VPS33B: variants seen among roughly 807,000 people sequenced by gnomAD.
VPS33B encodes vacuolar protein sorting-associated protein 33B.
A neutral mutation model predicts 95.3 loss-of-function variants in VPS33B; 80 were observed. The observed-to-expected ratio is 0.84, with a 90% CI of 0.70 to 1.01. The LOEUF (loss-of-function observed/expected upper bound fraction) is 1.01. VPS33B is among the 50% of genes least tolerant of loss of function. The probability of loss-of-function intolerance (pLI) is 0.00; values close to 1 mark genes in which losing one functional copy is unlikely to be tolerated. For synonymous variants in VPS33B, 280 were observed against 280.4 expected (o/e 1.00, Z 0.01); for missense variants, 715 against 773.4 (o/e 0.92, Z 0.90).
rs1313275737 is a variant in VPS33B at position 91,006,476 on chromosome 15, C to T, written c.779-31G>A. ...AGAGCAGAGGGACAGCTATTAGGATCTCCAATGAGGACTTCTCCTACCATT... is the reference window on the plus strand; with the variant it reads ...AGAGCAGAGGGACAGCTATTAGGATTTCCAATGAGGACTTCTCCTACCATT... On this transcript the variant is annotated intron_variant, in intron 10 of 22. Coordinates refer to ENST00000333371, the MANE Select transcript of VPS33B (RefSeq NM_018668.5). This position sits in a 1 kb window ranked among gnomAD's most constrained non-coding sequence, Gnocchi z 5.4. The T allele has an allele frequency of 6.2e-7, 1 of 1,614,060 alleles. No individual in the cohort carries two copies. Among genetic ancestry groups the T allele is most frequent in the Non-Finnish European group, 8.5e-7 (1 of 1,179,936 alleles).
chr15:90,998,661 A>G, downstream of VPS33B: 2 of 419,270 alleles, frequency 4.8e-6, no homozygotes, highest in Non-Finnish European at 9.0e-6. This position sits in a 1 kb window ranked among gnomAD's most constrained non-coding sequence, Gnocchi z 4.8. Flanking sequence ...CGTGTCCAGA[A>G]CGACCAACGT....
In VPS33B at chr15:90,999,766, C is replaced by A. The variant is rs566630364; in HGVS notation, c.1685G>T (p.Ser562Ile). 2 of 1,614,222 alleles carry A rather than the reference C, an allele frequency of 1.2e-6. No individual in the cohort carries two copies. Among genetic ancestry groups the A allele is most frequent in the Admixed American group, 1.7e-5 (1 of 60,018 alleles). The change falls in exon 22 of 23, where the codon AGT becomes ATT. Residue 562 changes from serine (S) to isoleucine (I), a missense_variant. Physicochemically the swap from Ser to Ile is moderately radical, Grantham distance 142. Transcript: ENST00000333371. This position sits in a 1 kb window ranked among gnomAD's most constrained non-coding sequence, Gnocchi z 5.1. ...TDMTKEDKAS[S>I]ESLRLILVVF... ...CACCAAGATGAGGCGCAGGGACTCA[C>A]TGGAAGCCTTGTCTTCCTTAGTCAT...
chr15:91,000,099 G>T lies in VPS33B; in HGVS notation c.1582-124C>A. ...TCAAGTAGCAAAAAGTTGAGACAGG[G>T]CCAGGTGTGGTGGCTCACGCCTGTA... is the stretch of plus-strand genomic sequence containing the variant. On this transcript the variant is annotated intron_variant, in intron 20 of 22. Transcript: ENST00000333371. This position sits in a 1 kb window ranked among gnomAD's most constrained non-coding sequence, Gnocchi z 4.9. 1 of 1,228,548 alleles carries T rather than the reference G, an allele frequency of 8.1e-7. No homozygotes were observed. The highest frequency in any genetic ancestry group is 1.2e-6 in the Non-Finnish European group (1 of 854,000). The allele number at this position is 1,228,548 out of a possible 1,614,324, so 76.1% of individuals were successfully genotyped here. A position where few individuals can be genotyped will look rare whatever the true frequency, so the allele number is the denominator to read the frequency against.
rs906401745 is a variant in VPS33B at position 91,000,150 on chromosome 15, C to T, written c.1582-175G>A. Among the ~76,000 whole-genome samples the T allele has an allele frequency of 6.6e-5, 10 of 152,114 alleles. No individual in the cohort carries two copies. Among genetic ancestry groups the T allele is most frequent in the Admixed American group, 4.6e-4 (7 of 15,274 alleles). ...ATTCCAACACTTTAGGAGTTTGAGG[C>T]GGGGGGATCACCTGAGGTCAGGAGT... is the stretch of plus-strand genomic sequence containing the variant. On this transcript the variant is annotated intron_variant, in intron 20 of 22. Transcript: ENST00000333371. The surrounding 1 kb of genome is among the most constrained non-coding windows in gnomAD (Gnocchi z 4.9).
In VPS33B at chr15:91,001,614, AC is replaced by A. The variant is rs2040440638; in HGVS notation, c.1406-153del. On this transcript the variant is annotated intron_variant, in intron 18 of 22. Coordinates refer to ENST00000333371, the MANE Select transcript of VPS33B (RefSeq NM_018668.5). The stretch of plus-strand genomic sequence containing the variant: ...AATTCCCTGGAACTAATCAAGATAT[AC>A]TCCCCACCCTTCTCCCCACCCACAG... The A allele has an allele frequency of 1.9e-5, 14 of 721,526 alleles. No homozygotes were observed. In the Admixed American group the frequency reaches 2.8e-4, roughly 15 times the overall value. The allele number at this position is 721,526 out of a possible 1,614,324, so 44.7% of individuals were successfully genotyped here.
intron 16 of VPS33B, among the ~76,000 whole-genome samples, chr15:91,003,729 C>G (rs755777555): frequency 8.5e-5 from 13 of 152,132 alleles, no homozygotes; most frequent in Non-Finnish European, 1.9e-4. Context: ...TGAGCCACCG[C>G]ACCTGGCAGA....
chr15:91,022,099 G>A, intron 1 of VPS33B, 55 bp downstream of exon 1: 1 of 1,531,720 alleles, frequency 6.5e-7, no homozygotes, highest in Middle Eastern at 1.7e-4. Context: ...GAAGAAATGT[G>A]CATCCAATGA....
chr15:91,020,148 G>A (rs189322510), intron 1 of VPS33B, among the ~76,000 whole-genome samples: 1 of 152,260 alleles, frequency 6.6e-6, no homozygotes, highest in African/African-American at 2.4e-5. Context: ...AGTGTTAGTA[G>A]TGTTTATAAC....
intron 1 of VPS33B, among the ~76,000 whole-genome samples, chr15:91,020,333 G>A (rs2041067352): frequency 6.6e-6 from 1 of 152,202 alleles, no homozygotes; most frequent in Admixed American, 6.5e-5. Context: ...GAGAGGCAAA[G>A]ATGATTCTGA....
In VPS33B at chr15:91,015,026, C is replaced by T. The variant is rs1353279316; in HGVS notation, c.240-593G>A. Among the ~76,000 whole-genome samples the T allele has an allele frequency of 6.6e-6, 1 of 151,382 alleles. No homozygotes were observed. Among genetic ancestry groups the T allele is most frequent in the Non-Finnish European group, 1.5e-5 (1 of 67,894 alleles). ...GACCAGCCCAGCCAACATGGTGAAA[C>T]CCCGTCTCTACTAAAAATACAAACA... On this transcript the variant is annotated intron_variant, in intron 3 of 22. Coordinates refer to ENST00000333371, the MANE Select transcript of VPS33B (RefSeq NM_018668.5). This position sits in a 1 kb window ranked among gnomAD's most constrained non-coding sequence, Gnocchi z 4.7.
At chr15:91,022,090 A>G in intron 1 of VPS33B, 64 bp downstream of exon 1, 2 of 1,526,516 alleles carry the variant, frequency 1.3e-6, no homozygotes, top group Non-Finnish European at 1.8e-6. Flanking sequence ...CACGGCAAGG[A>G]AGAAATGTGC....
rs1429476414 is a variant in VPS33B at position 91,018,902 on chromosome 15, G to A, written c.97-1017C>T. Among the ~76,000 whole-genome samples, 2 of 151,784 alleles carry A rather than the reference G, an allele frequency of 1.3e-5. No individual in the cohort carries two copies. The highest frequency in any genetic ancestry group is 6.6e-5 in the Admixed American group (1 of 15,222). On this transcript the variant is annotated intron_variant, in intron 1 of 22. Coordinates refer to ENST00000333371, the MANE Select transcript of VPS33B (RefSeq NM_018668.5). This position sits in a 1 kb window ranked among gnomAD's most constrained non-coding sequence, Gnocchi z 4.7. ...GTGATCTCGGCTCACTGCAACCTCC[G>A]CCTCCCGGATTCAAGCAATTCTCTG...
chr15:91,007,787 G>T lies in VPS33B; in HGVS notation c.498+83C>A. The T allele has an allele frequency of 7.4e-7, 1 of 1,356,334 alleles. No homozygotes were observed. The highest frequency in any genetic ancestry group is 1.1e-6 in the Non-Finnish European group (1 of 947,394). 84.0% of individuals were successfully genotyped at this position (1,356,334 alleles called of 1,614,324 possible). The stretch of plus-strand genomic sequence containing the variant: ...TGATAAATTACTTGCGTTGGACAAA[G>T]GTTATATTGGTATTTCTAGCCCTCT... On this transcript the variant is annotated intron_variant, in intron 7 of 22. Coordinates refer to ENST00000333371, the MANE Select transcript of VPS33B (RefSeq NM_018668.5). This position sits in a 1 kb window ranked among gnomAD's most constrained non-coding sequence, Gnocchi z 5.3.
At position 91,022,386 on chromosome 15, in the gene VPS33B, T is replaced by C. The variant is rs886051557; in HGVS notation, c.-137A>G. ...CCAGAGACCCCAGATGGGCCCTCGC[T>C]CCTCAGCAGCACTCCAGGAATGAAT... On this transcript the variant is annotated 5_prime_UTR_variant, in exon 1 of 23. Coordinates refer to ENST00000333371, the MANE Select transcript of VPS33B (RefSeq NM_018668.5). 1.0e-4 allele frequency: 77 copies of C among 771,430 alleles called. No homozygotes were observed. The highest frequency in any genetic ancestry group is 1.8e-4 in the Admixed American group (6 of 34,184). The allele number at this position is 771,430 out of a possible 1,614,324, so 47.8% of individuals were successfully genotyped here. A position where few individuals can be genotyped will look rare whatever the true frequency, so the allele number is the denominator to read the frequency against.
In VPS33B at chr15:91,002,618, A is replaced by G. The variant is rs1469404022; in HGVS notation, c.1273-436T>C. Among the ~76,000 whole-genome samples, 1 of 150,028 alleles carries G rather than the reference A, an allele frequency of 6.7e-6. No individual in the cohort carries two copies. Among genetic ancestry groups the G allele is most frequent in the African/African-American group, 2.5e-5 (1 of 40,470 alleles). On this transcript the variant is annotated intron_variant, in intron 17 of 22. Transcript: ENST00000333371. This position sits in a 1 kb window ranked among gnomAD's most constrained non-coding sequence, Gnocchi z 4.7. ...GCACTCTAGCTTGGGCAACAGAGCGAGACATCGTCTCGAAATAAAAAAAAA... is the reference window on the plus strand; with the variant it reads ...GCACTCTAGCTTGGGCAACAGAGCGGGACATCGTCTCGAAATAAAAAAAAA...
chr15:91,012,649 A>C (rs867619888), intron 5 of VPS33B, among the ~76,000 whole-genome samples: 1 of 152,180 alleles, frequency 6.6e-6, no homozygotes, highest in Non-Finnish European at 1.5e-5. Context: ...GTATGCATGC[A>C]CTACTTGCTG....
chr15:91,020,556 A>T (rs914377156), intron 1 of VPS33B, among the ~76,000 whole-genome samples: 32 of 152,094 alleles, frequency 2.1e-4, no homozygotes, highest in Non-Finnish European at 2.9e-5. Flanking sequence ...CAAGTCTTTT[A>T]TGTGCATGTC....
chr15:91,006,270 C>T lies in VPS33B; in HGVS notation c.852+102G>A. On this transcript the variant is annotated intron_variant, in intron 11 of 22. Coordinates refer to ENST00000333371, the MANE Select transcript of VPS33B (RefSeq NM_018668.5). The surrounding 1 kb of genome is among the most constrained non-coding windows in gnomAD (Gnocchi z 5.4). ...CCTCTCTCCCATAGACTCAGCCTCC[C>T]CTCTCAGAGCTGGGGCCCACAGCCT... The T allele has an allele frequency of 6.5e-7, 1 of 1,533,760 alleles. No homozygotes were observed. The highest frequency in any genetic ancestry group is 1.4e-5 in the African/African-American group (1 of 73,404).
At position 91,018,175 on chromosome 15, in the gene VPS33B, ACCTCACTCC is replaced by A. The variant is rs1294346989; in HGVS notation, c.97-299_97-291del. 6 of 444,896 alleles carry A rather than the reference ACCTCACTCC, an allele frequency of 1.3e-5. No homozygotes were observed. Among genetic ancestry groups the A allele is most frequent in the Non-Finnish European group, 2.5e-5 (6 of 238,620 alleles). 27.6% of individuals were successfully genotyped at this position (444,896 alleles called of 1,614,324 possible). A position where few individuals can be genotyped will look rare whatever the true frequency, so the allele number is the denominator to read the frequency against. On this transcript the variant is annotated intron_variant, in intron 1 of 22. Coordinates refer to ENST00000333371, the MANE Select transcript of VPS33B (RefSeq NM_018668.5). The surrounding 1 kb of genome is among the most constrained non-coding windows in gnomAD (Gnocchi z 4.7). Reference sequence around the variant, plus strand: ...CTGCTCACCTGTGACCTTGGTCTGCACCTCACTCCCCTTCTCTGCTGCCTCCTCCACTCT... The same window carrying A: ...CTGCTCACCTGTGACCTTGGTCTGCACCTTCTCTGCTGCCTCCTCCACTCT...
Sources: gnomAD v4.1 joint callset for allele counts (sites outside exome capture counted in the v4.1 genomes callset) on GRCh38, gnomAD v4.1.1 for gene constraint, Gnocchi (gnomAD v3.1) non-coding constraint, MANE v1.5 for transcripts, NCBI Gene and HGNC (gene_info 2026-07-23, HGNC 2026-07-21) for gene names.